LPP: variants seen among roughly 807,000 people sequenced by gnomAD.
The protein encoded by LPP is lipoma-preferred partner.
In LPP, 38 loss-of-function variants were observed where a neutral mutation model predicts 60.4. The ratio of observed to expected loss-of-function variants is 0.63; its 90% confidence interval spans 0.49 to 0.83. The LOEUF is 0.83. LPP is among the 40% of genes least tolerant of loss of function. LPP has a pLI of 0.00. For missense variants in LPP, 902 were observed against 783.6 expected (o/e 1.15, Z -1.80); for synonymous variants, 328 against 290.8 (o/e 1.13, Z -1.30).
intron 8 of LPP, among the ~76,000 whole-genome samples, chr3:188,750,890 G>A (rs1002971888): frequency 3.9e-5 from 6 of 152,108 alleles, no homozygotes; most frequent in Admixed American, 3.9e-4. Context: ...AGCTCTGTTT[G>A]TTGGATCTGA....
chr3:188,862,712 C>CAAAAAAAAAAA (rs140751676), intron 9 of LPP, among the ~76,000 whole-genome samples: 31 of 55,538 alleles, frequency 5.6e-4, no homozygotes, highest in South Asian at 1.3e-3. Flanking sequence ...CCCTACTAGA[C>CAAAAAAAAAAA]AAAAAAATAA....
intron 9 of LPP, among the ~76,000 whole-genome samples, chr3:188,800,395 G>A (rs1262790626): frequency 1.3e-5 from 2 of 151,678 alleles, no homozygotes; most frequent in Non-Finnish European, 2.9e-5. Context: ...ACAGGTGTCT[G>A]CCACCACGCC....
At chr3:188,267,901 G>A (rs113934474) in intron 2 of LPP, among the ~76,000 whole-genome samples, 57 of 152,138 alleles carry the variant, frequency 3.7e-4, no homozygotes, top group African/African-American at 1.3e-3. Flanking sequence ...CCAGCACTTC[G>A]TTCTTACACT....
At chr3:188,386,260 GCGCGCACACA>G (rs1475269328) in intron 3 of LPP, among the ~76,000 whole-genome samples, 2,299 of 96,786 alleles carry the variant, frequency 0.024, 47 homozygotes, top group African/African-American at 0.053. Flanking sequence ...GTCATAGCAT[GCGCGCACACA>G]CACACACACA....
intron 2 of LPP, among the ~76,000 whole-genome samples, chr3:188,240,842 A>T (rs573796752): frequency 6.6e-6 from 1 of 152,312 alleles, no homozygotes; most frequent in African/African-American, 2.4e-5. Context: ...AGACACTCTT[A>T]GTGAATGAAC....
chr3:188,706,297 T>C (rs1244275741), intron 7 of LPP, among the ~76,000 whole-genome samples: 2 of 152,218 alleles, frequency 1.3e-5, no homozygotes, highest in Admixed American at 1.3e-4. Flanking sequence ...AGCATAATGG[T>C]TCTTCAGATC....
At chr3:188,444,570 A>G (rs1272615213) in intron 4 of LPP, among the ~76,000 whole-genome samples, 2 of 152,222 alleles carry the variant, frequency 1.3e-5, no homozygotes, top group Non-Finnish European at 2.9e-5. Flanking sequence ...GGACATAGGC[A>G]TGGGCAAAGA....
intron 1 of LPP, among the ~76,000 whole-genome samples, chr3:188,200,375 G>A (rs778429046): frequency 4.6e-5 from 7 of 151,528 alleles, no homozygotes; most frequent in East Asian, 2.0e-4. Context: ...TCAGCCTCCC[G>A]AGTAACTGTG....
At chr3:188,692,858 T>C (rs557276805) in intron 7 of LPP, among the ~76,000 whole-genome samples, 1 of 152,354 alleles carries the variant, frequency 6.6e-6, no homozygotes, top group Admixed American at 6.5e-5. Flanking sequence ...AATGACTTTC[T>C]ATGCAAGAAG....
intron 3 of LPP, among the ~76,000 whole-genome samples, chr3:188,360,010 C>T (rs909080327): frequency 4.6e-5 from 7 of 152,144 alleles, no homozygotes; most frequent in African/African-American, 1.4e-4. Context: ...AGACCCAGTC[C>T]CTCACAAGAT....
intron 4 of LPP, among the ~76,000 whole-genome samples, chr3:188,433,296 A>G (rs1174826467): frequency 6.6e-6 from 1 of 152,140 alleles, no homozygotes; most frequent in Non-Finnish European, 1.5e-5. Context: ...GTGAAAAATA[A>G]CTTAGGAAAT....
At chr3:188,523,113 G>A (rs1174806683) in intron 5 of LPP, among the ~76,000 whole-genome samples, 1 of 151,890 alleles carries the variant, frequency 6.6e-6, no homozygotes, top group Admixed American at 6.6e-5. Flanking sequence ...CACCATGTTG[G>A]CCAGGCTGGT....
In LPP at chr3:188,352,323, T is replaced by C. The variant is rs17602562; in HGVS notation, c.-10+10604T>C. 0.06 allele frequency among the ~76,000 whole-genome samples: 9,081 copies of C among 152,276 alleles called. 371 individuals carry two copies. The highest frequency in any genetic ancestry group is 0.094 in the Non-Finnish European group (6,364 of 68,010). On this transcript the variant is annotated intron_variant, in intron 3 of 11. Coordinates refer to ENST00000617246, the MANE Select transcript of LPP (RefSeq NM_001375462.1). This position sits in a 1 kb window ranked among gnomAD's most constrained non-coding sequence, Gnocchi z 4.4. ...AGCTGCGCACACGTATTGGCTGCTT[T>C]TTCTCCCCACCTTTGGCAGCTTGTG... is the stretch of plus-strand genomic sequence containing the variant.
intron 8 of LPP, among the ~76,000 whole-genome samples, chr3:188,738,394 T>C (rs79030780): frequency 1.2e-3 from 190 of 152,318 alleles, no homozygotes; most frequent in African/African-American, 4.5e-3. Context: ...AGGTAGTTTA[T>C]ACCCAGATAG....
At chr3:188,658,122 A>ATTAGTTTGGTTTAGTTTAGT (rs1853728601) in intron 7 of LPP, among the ~76,000 whole-genome samples, 1 of 4,196 alleles carries the variant, frequency 2.4e-4, no homozygotes, top group South Asian at 0.018. Flanking sequence ...TTCTGAAGTT[A>ATTAGTTTGGTTTAGTTTAGT]TTAGTTTAGT....
chr3:188,471,982 C>T (rs2149530057), intron 4 of LPP, among the ~76,000 whole-genome samples: 1 of 152,248 alleles, frequency 6.6e-6, no homozygotes, highest in East Asian at 1.9e-4. Flanking sequence ...AAATCCTTAG[C>T]CTTGATCTCT....
In LPP at chr3:188,866,220, T is replaced by A. The variant is rs1417516188; in HGVS notation, c.1431T>A (p.Asn477Lys). The part of the protein sequence containing the change: ...PCYINTLEQC[N>K]VCSKPIMERI... ...CCCAGAATACTCTGGAGCAGTGCAA[T>A]GTGTGTTCCAAGCCCATCATGGAGC... The change falls in exon 10 of 12, where the codon AAT (asparagine) becomes AAA (lysine). Residue 477 changes from asparagine (N) to lysine (K), a missense_variant. Transcript: ENST00000617246. 5 of 1,559,610 alleles carry A rather than the reference T, an allele frequency of 3.2e-6. No homozygotes were observed. The South Asian group carries it at 4.8e-5, about 15-fold the overall frequency.
At chr3:188,635,835 G>C (rs892597795) in intron 7 of LPP, among the ~76,000 whole-genome samples, 1 of 152,200 alleles carries the variant, frequency 6.6e-6, no homozygotes, top group Non-Finnish European at 1.5e-5. Context: ...TTTGAATTTA[G>C]TGTTGGAGAA....
chr3:188,658,215 C>G (rs1853780344), intron 7 of LPP, among the ~76,000 whole-genome samples: 1 of 143,918 alleles, frequency 6.9e-6, no homozygotes, highest in East Asian at 2.0e-4. Flanking sequence ...GTGATCTCAG[C>G]TCACTGCAAC....
Sources: allele counts gnomAD v4.1 joint callset (sites outside exome capture counted in the v4.1 genomes callset), GRCh38; gene constraint gnomAD v4.1.1; non-coding constraint Gnocchi (gnomAD v3.1); transcripts MANE v1.5; gene names NCBI Gene and HGNC (gene_info 2026-07-23, HGNC 2026-07-21).